Variants in RIPOR3 observed in about 807,000 individuals in gnomAD.
The protein encoded by RIPOR3 is family with sequence similarity 65 member C.
Under a neutral mutation model 114.3 loss-of-function variants are expected in RIPOR3, and 95 were observed. The ratio of observed to expected loss-of-function variants is 0.83; its 90% CI spans 0.70 to 0.99. RIPOR3 has a LOEUF of 0.99. Among genes scored for constraint, RIPOR3 ranks in the 50% least tolerant of loss-of-function variants. The pLI, the probability that RIPOR3 is intolerant of heterozygous loss-of-function variation, is 0.00. For missense variants in RIPOR3, 1,252 were observed against 1,266.9 expected (o/e 0.99, Z 0.18); for synonymous variants, 575 against 543.8 (o/e 1.06, Z -0.80).
At chr20:50,609,189 G>A in intron 8 of RIPOR3, 104 bp downstream of exon 8, 1 of 1,438,860 alleles carries the variant, frequency 6.9e-7, no homozygotes, top group Non-Finnish European at 9.5e-7. Context: ...CAAAAGCCAG[G>A]GCTGGGCTCA....
chr20:50,678,994 A>G (rs969389505), intron 1 of RIPOR3, among the ~76,000 whole-genome samples: 54 of 148,946 alleles, frequency 3.6e-4, no homozygotes, highest in African/African-American at 1.3e-3. Flanking sequence ...AGTACTAGCT[A>G]TTCAGGAAGC....
intron 13 of RIPOR3, among the ~76,000 whole-genome samples, chr20:50,600,194 C>G (rs2083445377): frequency 6.6e-6 from 1 of 152,178 alleles, no homozygotes; most frequent in South Asian, 2.1e-4. Context: ...TGAGCCACTG[C>G]GCCCACCATC....
chr20:50,630,796 C>A lies in RIPOR3; in HGVS notation c.64G>T (p.Val22Phe). Residue 22 changes from valine to phenylalanine, a missense_variant, in exon 2 of 22, where the codon GTC (valine) becomes TTC (phenylalanine). Physicochemically the swap from Val to Phe is conservative, Grantham distance 50 (BLOSUM62 -1). Transcript: ENST00000327979. ...LSPGDTGAVG[V>F]VGRSASFAGF... ...GCGAAGGAGGCGCTCCGGCCCACGA[C>A]CCCCACGGCCCCTGTGTCCCCAGGG... 6.2e-7 allele frequency: 1 copy of A among 1,612,146 alleles called. No individual in the cohort carries two copies. The highest frequency in any genetic ancestry group is 8.5e-7 in the Non-Finnish European group (1 of 1,179,554).
chr20:50,659,073 CA>C (rs1457464742), intron 1 of RIPOR3, among the ~76,000 whole-genome samples: 5 of 152,144 alleles, frequency 3.3e-5, no homozygotes, highest in Non-Finnish European at 4.4e-5. Flanking sequence ...CAAGTTCTTC[CA>C]GACCGATTAG....
chr20:50,672,727 A>C (rs2086559872), intron 1 of RIPOR3, among the ~76,000 whole-genome samples: 1 of 152,202 alleles, frequency 6.6e-6, no homozygotes, highest in African/African-American at 2.4e-5. Context: ...TTCCACCTGC[A>C]TGCACGTCAC....
chr20:50,660,114 G>A (rs952514905), intron 1 of RIPOR3: 1 of 152,152 alleles, frequency 6.6e-6, no homozygotes, highest in African/African-American at 2.4e-5. Context: ...GTCATTCTGG[G>A]GAGTACGTCC....
At chr20:50,663,425 C>T (rs1048179568) in intron 1 of RIPOR3, among the ~76,000 whole-genome samples, 2 of 152,146 alleles carry the variant, frequency 1.3e-5, no homozygotes. Flanking sequence ...TCAGGCAGTG[C>T]GACTCCACCT....
intron 3 of RIPOR3, among the ~76,000 whole-genome samples, chr20:50,618,464 C>T (rs945580030): frequency 6.6e-6 from 1 of 152,102 alleles, no homozygotes; most frequent in Non-Finnish European, 1.5e-5. Context: ...CTCCTTGCTG[C>T]GCCCCAGGGC....
In RIPOR3 at chr20:50,594,553, C is replaced by A. The variant is rs367904199; in HGVS notation, c.2212G>T (p.Ala738Ser). The A allele has an allele frequency of 2.5e-6, 4 of 1,613,178 alleles. No homozygotes were observed. The highest frequency in any genetic ancestry group is 3.4e-6 in the Non-Finnish European group (4 of 1,179,346). ...RGKYPGQLEI[A>S]CRRLLEQVVS... ...GACGACAGGACAGAAGGGAACCCAC[C>A]TATTTCCAGCTGTCCTGGGTACTTC... is the stretch of plus-strand genomic sequence containing the variant. The change falls in exon 17 of 22, where the codon GCG becomes TCG. Residue 738 changes from alanine (A) to serine (S), a missense_variant and splice_region_variant. Physicochemically the swap from Ala to Ser is moderately conservative, Grantham distance 99. Coordinates refer to ENST00000327979, the MANE Select transcript of RIPOR3 (RefSeq NM_001290268.2).
intron 1 of RIPOR3, among the ~76,000 whole-genome samples, chr20:50,681,275 G>GAAAAAAAAAA (rs34596961): frequency 2.2e-5 from 3 of 135,126 alleles, no homozygotes; most frequent in African/African-American, 8.4e-5. Flanking sequence ...TAAGGCACTA[G>GAAAAAAAAAA]AAAAAAAAAA....
intron 20 of RIPOR3, among the ~76,000 whole-genome samples, chr20:50,588,287 C>T (rs896091285): frequency 1.3e-5 from 2 of 152,276 alleles, no homozygotes; most frequent in African/African-American, 4.8e-5. Flanking sequence ...CCTGGCTGCT[C>T]CTGCAGGCCA....
intron 14 of RIPOR3, 55 bp downstream of exon 14, chr20:50,597,525 G>T (rs529233563): frequency 3.2e-6 from 5 of 1,561,480 alleles, no homozygotes; most frequent in Non-Finnish European, 3.5e-6. Flanking sequence ...TGGAGCTCGG[G>T]TCACCCGGTG....
At chr20:50,629,169 C>A (rs1292779494) in intron 2 of RIPOR3, among the ~76,000 whole-genome samples, 1 of 151,874 alleles carries the variant, frequency 6.6e-6, no homozygotes, top group Admixed American at 6.5e-5. Context: ...GGCCTCTAGC[C>A]AGGAGGGCGC....
chr20:50,617,211 G>A lies in RIPOR3; in HGVS notation c.270-1131C>T, dbSNP rs189314501. 2.6e-5 allele frequency among the ~76,000 whole-genome samples: 4 copies of A among 152,212 alleles called. No individual in the cohort carries two copies. The East Asian group carries it at 7.8e-4, about 30-fold the overall frequency. ...GGAGTCCCATCTTGCTGGATTTGCT[G>A]AGTCATCCCAGGAAGGTCACTCACA... On this transcript the variant is annotated intron_variant, in intron 3 of 21. Transcript: ENST00000327979.
chr20:50,624,411 C>G (rs6126051), intron 2 of RIPOR3, among the ~76,000 whole-genome samples: 1 of 152,278 alleles, frequency 6.6e-6, no homozygotes, highest in East Asian at 1.9e-4. Context: ...AGGTGTGCAC[C>G]GTTGGCCCAG....
chr20:50,587,008 C>T lies in RIPOR3; in HGVS notation c.*224G>A, dbSNP rs2082941593. 6 of 533,078 alleles carry T rather than the reference C, an allele frequency of 1.1e-5. No homozygotes were observed. The highest frequency in any genetic ancestry group is 4.7e-5 in the South Asian group (2 of 42,356). 33.0% of individuals were successfully genotyped at this position (533,078 alleles called of 1,614,324 possible). A position where few individuals can be genotyped will look rare whatever the true frequency, so the allele number is the denominator to read the frequency against. ...AGTTGAGCGCTCTGTTGAGGCCGTGCAGCCCCTGGAATGCTGTACCTTTGC... is the reference window on the plus strand; with the variant it reads ...AGTTGAGCGCTCTGTTGAGGCCGTGTAGCCCCTGGAATGCTGTACCTTTGC... On this transcript the variant is annotated 3_prime_UTR_variant, in exon 22 of 22. Coordinates refer to ENST00000327979, the MANE Select transcript of RIPOR3 (RefSeq NM_001290268.2).
chr20:50,671,738 G>A (rs755379748), intron 1 of RIPOR3, among the ~76,000 whole-genome samples: 10 of 151,798 alleles, frequency 6.6e-5, no homozygotes, highest in Admixed American at 1.3e-4. Flanking sequence ...ATGGGTAGAT[G>A]GATGGAAGGA....
intron 1 of RIPOR3, among the ~76,000 whole-genome samples, chr20:50,655,114 C>T (rs539320433): frequency 3.9e-4 from 60 of 152,356 alleles, no homozygotes; most frequent in Non-Finnish European, 6.3e-4. Context: ...GCGAAGCTCC[C>T]GCTTTTTGAG....
chr20:50,594,137 G>A (rs1224457966), intron 17 of RIPOR3, among the ~76,000 whole-genome samples: 7 of 152,024 alleles, frequency 4.6e-5, no homozygotes, highest in South Asian at 4.2e-4. Flanking sequence ...TTAGCCAAGC[G>A]TGGTGGTGCA....
Sources: gnomAD v4.1 joint callset for allele counts (sites outside exome capture counted in the v4.1 genomes callset) on GRCh38, gnomAD v4.1.1 for gene constraint, MANE v1.5 for transcripts, NCBI Gene and HGNC (gene_info 2026-07-23, HGNC 2026-07-21) for gene names.